Variants in ABL2 observed in about 807,000 individuals in gnomAD.
The protein encoded by ABL2 is tyrosine-protein kinase ABL2.
ABL2 carries 49 observed loss-of-function variants against 107.7 expected under a neutral mutation model. The observed-to-expected ratio is 0.45, with a 90% CI of 0.36 to 0.58. The LOEUF is 0.58. ABL2 is among the 20% of genes least tolerant of loss of function. The pLI is 0.00. For missense variants in ABL2, 1,245 were observed against 1,457.0 expected, an observed-to-expected ratio of 0.85 and a Z score of 2.37; for synonymous variants, 549 against 548.6, an observed-to-expected ratio of 1.00 and a Z score of -0.01.
intron 1 of ABL2, among the ~76,000 whole-genome samples, chr1:179,190,006 G>A (rs1412558991): frequency 1.3e-5 from 2 of 152,064 alleles, no homozygotes; most frequent in East Asian, 3.9e-4. Flanking sequence ...TTTTAGTAGA[G>A]ACGGGGTTTC....
At chr1:179,223,103 C>T (rs2816211) in intron 1 of ABL2, among the ~76,000 whole-genome samples, 46,526 of 138,028 alleles carry the variant, frequency 0.34, 8,349 homozygotes, top group East Asian at 0.46. Context: ...GAGCAAGGCT[C>T]CCTCTCAAAA....
At chr1:179,134,510 A>G (rs1656652296) in intron 1 of ABL2, among the ~76,000 whole-genome samples, 1 of 152,146 alleles carries the variant, frequency 6.6e-6, no homozygotes, top group Admixed American at 6.5e-5. Context: ...TAAAATCAAA[A>G]GTTTCCTCCG....
chr1:179,146,930 TTC>T (rs1658021003), intron 1 of ABL2, among the ~76,000 whole-genome samples: 1 of 152,006 alleles, frequency 6.6e-6, no homozygotes, highest in African/African-American at 2.4e-5. Context: ...AGGATACAAA[TTC>T]TCCTTTACTG....
intron 1 of ABL2, among the ~76,000 whole-genome samples, chr1:179,205,132 T>C (rs2102854404): frequency 6.6e-6 from 1 of 151,578 alleles, no homozygotes; most frequent in African/African-American, 2.4e-5. Context: ...GTTCAAGAGA[T>C]TCTCCTGCCT....
chr1:179,160,563 A>C (rs1658999481), intron 1 of ABL2, among the ~76,000 whole-genome samples: 1 of 152,108 alleles, frequency 6.6e-6, no homozygotes, highest in Admixed American at 6.6e-5. Flanking sequence ...AACTTGTCCA[A>C]GATTACACAG....
intron 1 of ABL2, among the ~76,000 whole-genome samples, chr1:179,198,130 G>A (rs914864501): frequency 7.5e-5 from 11 of 146,558 alleles, no homozygotes; most frequent in Non-Finnish European, 1.3e-4. Flanking sequence ...GTTGTGCCAC[G>A]CCACTGCACT....
intron 1 of ABL2, among the ~76,000 whole-genome samples, chr1:179,154,488 T>C (rs1658562301): frequency 6.6e-6 from 1 of 152,206 alleles, no homozygotes; most frequent in Non-Finnish European, 1.5e-5. Context: ...TACTGTGTTT[T>C]CCTCCTGCCT....
chr1:179,100,437 T>C lies in ABL2; in HGVS notation c.*7281A>G. 4.4e-6 allele frequency: 1 copy of C among 227,048 alleles called. No individual in the cohort carries two copies. The highest frequency in any genetic ancestry group is 8.8e-6 in the Non-Finnish European group (1 of 114,194). The allele number at this position is 227,048 out of a possible 1,614,324, so 14.1% of individuals were successfully genotyped here. A position where few individuals can be genotyped will look rare whatever the true frequency, so the allele number is the denominator to read the frequency against. ...ACAACAATAAATTTGCATATTCTTT[T>C]TATTGTGTCATAATTGCTGAAAATT... On this transcript the variant is annotated 3_prime_UTR_variant, in exon 12 of 12. Coordinates refer to ENST00000502732, the MANE Select transcript of ABL2 (RefSeq NM_007314.4).
intron 1 of ABL2, among the ~76,000 whole-genome samples, chr1:179,179,201 A>G (rs1571260185): frequency 6.6e-6 from 1 of 152,276 alleles, no homozygotes; most frequent in South Asian, 2.1e-4. Context: ...GTGCTCAGAT[A>G]ATTCCTCCAC....
At chr1:179,172,465 C>CT (rs1186347182) in intron 1 of ABL2, among the ~76,000 whole-genome samples, 1 of 152,082 alleles carries the variant, frequency 6.6e-6, no homozygotes, top group African/African-American at 2.4e-5. Context: ...TTTATTTTAC[C>CT]TACACAGGAG....
chr1:179,155,829 T>C (rs1392847202), intron 1 of ABL2, among the ~76,000 whole-genome samples: 1 of 152,030 alleles, frequency 6.6e-6, no homozygotes. Context: ...ACAATTTCCA[T>C]CTCTTCTTGG....
intron 6 of ABL2, 91 bp from the exon 7 acceptor site, chr1:179,118,855 G>A (rs1031722299): frequency 2.2e-6 from 3 of 1,363,804 alleles, no homozygotes; most frequent in Non-Finnish European, 3.1e-6. Context: ...AATTTTTCAG[G>A]TCTAGTTCGG....
At chr1:179,146,620 G>T (rs1013693431) in intron 1 of ABL2, among the ~76,000 whole-genome samples, 1 of 152,066 alleles carries the variant, frequency 6.6e-6, no homozygotes. Context: ...TCAAGGGCAG[G>T]ATCAGGCGGA....
At chr1:179,183,596 A>C (rs1240498202) in intron 1 of ABL2, 2 of 152,220 alleles carry the variant, frequency 1.3e-5, no homozygotes, top group African/African-American at 2.4e-5. Flanking sequence ...AAATGATTAA[A>C]AAAAAATTAT....
At chr1:179,205,988 T>C (rs1661949935) in intron 1 of ABL2, among the ~76,000 whole-genome samples, 1 of 152,202 alleles carries the variant, frequency 6.6e-6, no homozygotes, top group Admixed American at 6.5e-5. Context: ...AGCCCTCTAT[T>C]AGATAGGTAT....
intron 1 of ABL2, among the ~76,000 whole-genome samples, chr1:179,147,608 T>C (rs1658087617): frequency 1.3e-5 from 2 of 152,316 alleles, no homozygotes; most frequent in South Asian, 4.1e-4. Flanking sequence ...GTGAAATGAC[T>C]TAAAAACAGA....
chr1:179,132,811 G>A (rs1656473072), intron 2 of ABL2, among the ~76,000 whole-genome samples: 1 of 150,668 alleles, frequency 6.6e-6, no homozygotes, highest in African/African-American at 2.4e-5. Context: ...CAAAGTGCTG[G>A]GATTACAGGC....
intron 1 of ABL2, among the ~76,000 whole-genome samples, chr1:179,166,075 G>A (rs541235391): frequency 1.3e-5 from 2 of 152,234 alleles, no homozygotes; most frequent in Non-Finnish European, 2.9e-5. Flanking sequence ...GGGATTACAG[G>A]CATGAGCCAC....
intron 1 of ABL2, among the ~76,000 whole-genome samples, chr1:179,224,588 A>T (rs987461643): frequency 1.3e-5 from 2 of 152,026 alleles, no homozygotes; most frequent in Non-Finnish European, 2.9e-5. Context: ...TTTTTAATAG[A>T]ATTTTTAGAA....
Sources: allele counts gnomAD v4.1 joint callset (sites outside exome capture counted in the v4.1 genomes callset), GRCh38; gene constraint gnomAD v4.1.1; transcripts MANE v1.5; gene names NCBI Gene and HGNC (gene_info 2026-07-23, HGNC 2026-07-21).